The following GRIP1 variants were observed in gnomAD, a reference collection of about 807,000 sequenced individuals.
GRIP1 encodes the protein glutamate receptor interacting protein 1.
In GRIP1, 45 loss-of-function variants were observed where a neutral mutation model predicts 129.9. That is an observed-to-expected ratio of 0.35 (90% CI 0.27 to 0.44). The LOEUF (loss-of-function observed/expected upper bound fraction) is 0.44. Among genes scored for constraint, GRIP1 ranks in the 20% least tolerant of loss-of-function variants. The pLI is 1.00. For synonymous variants in GRIP1, 530 were observed against 520.8 expected, an observed-to-expected ratio of 1.02 and a Z score of -0.24; for missense variants, 1,196 against 1,396.8, an observed-to-expected ratio of 0.86 and a Z score of 2.29.
At chr12:66,359,501 C>T (rs1020169237) in intron 23 of GRIP1, among the ~76,000 whole-genome samples, 1 of 152,182 alleles carries the variant, frequency 6.6e-6, no homozygotes, top group African/African-American at 2.4e-5. Context: ...GAGTGCCAAC[C>T]ACAGTGGGTT....
intron 1 of GRIP1, among the ~76,000 whole-genome samples, chr12:66,865,272 G>A (rs961072320): frequency 4.6e-5 from 7 of 152,088 alleles, no homozygotes; most frequent in Non-Finnish European, 8.8e-5. Context: ...ATATTCTTAA[G>A]TATTTGTATC....
intron 6 of GRIP1, 68 bp downstream of exon 6, chr12:66,517,833 C>T: frequency 1.2e-6 from 1 of 842,222 alleles, no homozygotes. Flanking sequence ...AATTTATCAA[C>T]TTCTATGTTA....
chr12:66,451,304 G>A (rs2058787833), intron 11 of GRIP1, among the ~76,000 whole-genome samples: 1 of 144,390 alleles, frequency 6.9e-6, no homozygotes, highest in Non-Finnish European at 1.5e-5. Context: ...TTAGAAGGCT[G>A]AAAGATTTCC....
At chr12:66,992,778 A>G (rs2042412288) in intron 1 of GRIP1, among the ~76,000 whole-genome samples, 1 of 152,220 alleles carries the variant, frequency 6.6e-6, no homozygotes, top group Non-Finnish European at 1.5e-5. Context: ...GAAATTCACA[A>G]ATATGTGGAA....
At position 66,769,794 on chromosome 12, in the gene GRIP1, T is replaced by C. The variant is rs558337351; in HGVS notation, c.-420+34259A>G. On this transcript the variant is annotated intron_variant, in intron 1 of 4. Transcript: ENST00000538373. The stretch of plus-strand genomic sequence containing the variant: ...CTATACCTACTTCTACCTCTACACC[T>C]CTTGAACTCACAAAAAATAACAGAG... Among the ~76,000 whole-genome samples, 18 of 152,266 alleles carry C rather than the reference T, an allele frequency of 1.2e-4. No individual in the cohort carries two copies. In the South Asian group the frequency reaches 3.5e-3, roughly 30 times the overall value.
At chr12:66,470,090 C>T (rs933267018) in intron 7 of GRIP1, among the ~76,000 whole-genome samples, 1 of 152,152 alleles carries the variant, frequency 6.6e-6, no homozygotes, top group African/African-American at 2.4e-5. Context: ...CCCAACTTAC[C>T]ATCATCTGAT....
chr12:66,693,283 C>T (rs1356554873), intron 1 of GRIP1, among the ~76,000 whole-genome samples: 1 of 152,144 alleles, frequency 6.6e-6, no homozygotes, highest in Non-Finnish European at 1.5e-5. Context: ...AAATTATTTG[C>T]ACACTTCAGA....
At chr12:66,906,769 A>G (rs1380033361) in intron 1 of GRIP1, among the ~76,000 whole-genome samples, 3 of 152,222 alleles carry the variant, frequency 2.0e-5, no homozygotes, top group Middle Eastern at 3.2e-3. Context: ...CAGGGGCTAG[A>G]AATCTACATT....
At chr12:66,368,830 T>C (rs2055304717) in intron 23 of GRIP1, among the ~76,000 whole-genome samples, 1 of 152,196 alleles carries the variant, frequency 6.6e-6, no homozygotes, top group African/African-American at 2.4e-5. Context: ...CTCTTTGCTC[T>C]AAGCAGCTTT....
chr12:66,472,719 G>T (rs770348982), intron 7 of GRIP1, among the ~76,000 whole-genome samples: 20 of 152,180 alleles, frequency 1.3e-4, no homozygotes, highest in Non-Finnish European at 2.6e-4. Context: ...GGAAGCACAA[G>T]GGGTTGGGGA....
chr12:67,048,797 A>T (rs1258766422), intron 1 of GRIP1, among the ~76,000 whole-genome samples: 1 of 152,146 alleles, frequency 6.6e-6, no homozygotes, highest in Non-Finnish European at 1.5e-5. Flanking sequence ...TTCCCCACAC[A>T]AGTTCTCTCT....
chr12:67,031,493 G>A (rs11176546), intron 1 of GRIP1, among the ~76,000 whole-genome samples: 21,229 of 152,026 alleles, frequency 0.14, 1,583 homozygotes, highest in Non-Finnish European at 0.18. Context: ...CTCTTTTTGA[G>A]GTGACTCCAA....
At chr12:66,554,244 C>CACAA (rs2062240531) in intron 2 of GRIP1, among the ~76,000 whole-genome samples, 1 of 152,110 alleles carries the variant, frequency 6.6e-6, no homozygotes, top group Non-Finnish European at 1.5e-5. Context: ...GAGGGCACCA[C>CACAA]ACAAAGTTGG....
chr12:66,655,673 G>A (rs548223062), intron 1 of GRIP1, among the ~76,000 whole-genome samples: 97 of 144,656 alleles, frequency 6.7e-4, no homozygotes, highest in African/African-American at 2.4e-3. Context: ...GCAGTGGCAC[G>A]ATCTTGGCTC....
Position 66,371,838 on chromosome 12 carries a change from C to T in GRIP1, c.2868G>A (p.Glu956=). Reference sequence around the variant, plus strand: ...TGTAGTGCGGCCGCGAGCTGCTGCGCTCCTGGAAGCTGGCCTGTCGCCCCA... The same window carrying T: ...TGTAGTGCGGCCGCGAGCTGCTGCGTTCCTGGAAGCTGGCCTGTCGCCCCA... ...SQLGRQASFQ[E]RSSSRPHYSQ... is the part of the protein sequence containing the mutation. The change falls in exon 23 of 25, where the codon GAG becomes GAA. Residue 956 remains glutamate (E), a synonymous_variant. Coordinates refer to ENST00000359742, the MANE Select transcript of GRIP1 (RefSeq NM_001366722.1). 6.2e-7 allele frequency: 1 copy of T among 1,613,962 alleles called. No individual in the cohort carries two copies. The highest frequency in any genetic ancestry group is 8.5e-7 in the Non-Finnish European group (1 of 1,179,962).
At chr12:66,818,400 T>G (rs2039261745) in intron 1 of GRIP1, among the ~76,000 whole-genome samples, 2 of 152,234 alleles carry the variant, frequency 1.3e-5, no homozygotes, top group Non-Finnish European at 2.9e-5. Flanking sequence ...AAATGTTATC[T>G]GTTATCCTTG....
rs1230734457 is a variant in GRIP1, at chr12:66,492,941, C to T, written c.724+22678G>A. Among the ~76,000 whole-genome samples, 6 of 152,180 alleles carry T rather than the reference C, an allele frequency of 3.9e-5. No individual in the cohort carries two copies. The East Asian group carries it at 7.7e-4, about 20-fold the overall frequency. On this transcript the variant is annotated intron_variant, in intron 7 of 24. Coordinates refer to ENST00000359742, the MANE Select transcript of GRIP1 (RefSeq NM_001366722.1). ...AGGAGAATCGCTTGAACTCGGAAGGCGGAGGTTGCAGTGAACCAAGACCAT... is the reference window on the plus strand; with the variant it reads ...AGGAGAATCGCTTGAACTCGGAAGGTGGAGGTTGCAGTGAACCAAGACCAT...
intron 1 of GRIP1, among the ~76,000 whole-genome samples, chr12:66,675,497 G>A (rs1187704867): frequency 6.6e-6 from 1 of 152,110 alleles, no homozygotes; most frequent in Non-Finnish European, 1.5e-5. Context: ...AAAGTCTGTG[G>A]GAGCCATGAA....
chr12:66,963,778 G>GC (rs1378600141), intron 1 of GRIP1, among the ~76,000 whole-genome samples: 1 of 152,042 alleles, frequency 6.6e-6, no homozygotes, highest in African/African-American at 2.4e-5. Flanking sequence ...AGCCTAGACA[G>GC]CCCCCTCTCA....
Sources: gnomAD v4.1 joint callset for allele counts (sites outside exome capture counted in the v4.1 genomes callset) on GRCh38, gnomAD v4.1.1 for gene constraint, MANE v1.5 for transcripts, NCBI Gene and HGNC (gene_info 2026-07-23, HGNC 2026-07-21) for gene names.